The following HHLA1 variants were observed in gnomAD, a reference collection of about 807,000 sequenced individuals.
The protein encoded by HHLA1 is HHLA1 neighbor of OC90, also known as HERV-H LTR-associating protein 1.
Under a neutral mutation model 69.9 loss-of-function variants are expected in HHLA1, and 72 were observed. The observed-to-expected ratio is 1.03, with a 90% CI of 0.85 to 1.25. The LOEUF (loss-of-function observed/expected upper bound fraction) is 1.25, where lower values mean the gene tolerates loss of function less well. HHLA1 is among the 50% of genes most tolerant of loss of function. HHLA1 has a pLI of 0.00. For synonymous variants in HHLA1, 252 were observed against 233.2 expected (o/e 1.08, Z -0.73); for missense variants, 685 against 642.2 (o/e 1.07, Z -0.72).
chr8:132,084,135 T>G (rs1301673084), intron 10 of HHLA1, among the ~76,000 whole-genome samples: 1 of 151,404 alleles, frequency 6.6e-6, no homozygotes, highest in Non-Finnish European at 1.5e-5. Context: ...TCCAGCCACC[T>G]TTTTAAGAGT....
intron 14 of HHLA1, 55 bp from the exon 15 acceptor site, chr8:132,071,548 C>A: frequency 6.6e-7 from 1 of 1,507,966 alleles, no homozygotes. Context: ...TAAGCATCTT[C>A]TCTTCGTTAA....
In HHLA1 at chr8:132,099,406, C is replaced by T. The variant is rs897159956; in HGVS notation, c.200-444G>A. 2.6e-5 allele frequency among the ~76,000 whole-genome samples: 4 copies of T among 152,208 alleles called. No homozygotes were observed. The East Asian group carries it at 7.7e-4, about 29-fold the overall frequency. On this transcript the variant is annotated intron_variant, in intron 4 of 16. Transcript: ENST00000414222. ...GGAAATATACATTTTTTTAATTACA[C>T]AATTCCAGTACCTGGCCTTCATCTT... is the stretch of plus-strand genomic sequence containing the variant.
intron 1 of HHLA1, among the ~76,000 whole-genome samples, chr8:132,107,705 C>T (rs1442497227): frequency 1.3e-5 from 2 of 152,086 alleles, no homozygotes; most frequent in Non-Finnish European, 2.9e-5. Context: ...TTGTCATTGG[C>T]CAAGTCAACT....
chr8:132,072,617 A>G (rs1265937326), intron 14 of HHLA1, among the ~76,000 whole-genome samples: 1 of 152,118 alleles, frequency 6.6e-6, no homozygotes, highest in East Asian at 1.9e-4. Context: ...ACTAATCACT[A>G]CCAGGAAAAA....
At chr8:132,071,613 AC>A in intron 14 of HHLA1, 120 bp from the exon 15 acceptor site, 1 of 871,132 alleles carries the variant, frequency 1.1e-6, no homozygotes, top group Non-Finnish European at 1.8e-6. Flanking sequence ...TCTGAGACAG[AC>A]AGGTAAACAT....
intron 2 of HHLA1, among the ~76,000 whole-genome samples, chr8:132,104,755 T>G (rs1159432534): frequency 6.6e-6 from 1 of 152,044 alleles, no homozygotes; most frequent in Non-Finnish European, 1.5e-5. Context: ...GAAAAGGACC[T>G]GGTACACTAC....
chr8:132,105,381 T>C (rs1250083188), intron 1 of HHLA1, 95 bp from the exon 2 acceptor site: 11 of 813,634 alleles, frequency 1.4e-5, no homozygotes, highest in Non-Finnish European at 2.3e-5. Flanking sequence ...AATCACAATC[T>C]GAAAAAGGCT....
chr8:132,104,887 G>C (rs543142507), intron 2 of HHLA1, among the ~76,000 whole-genome samples: 1 of 152,288 alleles, frequency 6.6e-6, no homozygotes, highest in South Asian at 2.1e-4. Context: ...GTGGTGAATG[G>C]GTCATGGAGA....
chr8:132,096,593 G>A (rs1824030250), intron 5 of HHLA1, among the ~76,000 whole-genome samples: 1 of 152,096 alleles, frequency 6.6e-6, no homozygotes, highest in Non-Finnish European at 1.5e-5. Context: ...CTCTCCATCA[G>A]TGCCTGTTCT....
chr8:132,099,536 C>G (rs1824080914), intron 4 of HHLA1, among the ~76,000 whole-genome samples: 1 of 152,136 alleles, frequency 6.6e-6, no homozygotes, highest in African/African-American at 2.4e-5. Context: ...TTAAAATTCC[C>G]ACTTCCCCCG....
chr8:132,099,592 G>T (rs1044674744), intron 4 of HHLA1, among the ~76,000 whole-genome samples: 1 of 152,186 alleles, frequency 6.6e-6, no homozygotes. Context: ...AGTGGCTCAC[G>T]CCTGTAATCC....
chr8:132,108,985 C>A (rs1205125364), intron 1 of HHLA1, among the ~76,000 whole-genome samples: 1 of 152,152 alleles, frequency 6.6e-6, no homozygotes, highest in Non-Finnish European at 1.5e-5. Context: ...AGTCTGATGG[C>A]CCTTTTAGGG....
chr8:132,070,013 GGGGGGGGGGGGA>G lies in HHLA1; in HGVS notation c.1469+1315_1469+1326del, dbSNP rs1320490039. 5.2e-3 allele frequency: 129 copies of G among 24,604 alleles called. 35 individuals carry two copies. The highest frequency in any genetic ancestry group is 0.011 in the Non-Finnish European group (109 of 9,860). 1.5% of individuals were successfully genotyped at this position (24,604 alleles called of 1,614,324 possible). A position where few individuals can be genotyped will look rare whatever the true frequency, so the allele number is the denominator to read the frequency against. On this transcript the variant is annotated intron_variant, in intron 15 of 16. Coordinates refer to ENST00000414222, the MANE Select transcript of HHLA1 (RefSeq NM_001145095.3). Reference sequence around the variant, plus strand: ...AATGGAGGAAATGTTCGTACTGACGGGGGGGGGGGGGAGGGGGATGAAAGATTACAGCTGGAA... The same window carrying G: ...AATGGAGGAAATGTTCGTACTGACGGGGGGGATGAAAGATTACAGCTGGAA...
chr8:132,090,372 G>A (rs899649692), intron 7 of HHLA1, among the ~76,000 whole-genome samples: 3 of 152,284 alleles, frequency 2.0e-5, no homozygotes, highest in Non-Finnish European at 2.9e-5. Flanking sequence ...TAAACAAGGC[G>A]AATGTGTTTG....
chr8:132,095,491 T>C, intron 7 of HHLA1, 28 bp downstream of exon 7: 1 of 1,451,576 alleles, frequency 6.9e-7, no homozygotes, highest in Non-Finnish European at 9.4e-7. Flanking sequence ...TTGGAAAAGC[T>C]GCAAGCCTCA....
intron 10 of HHLA1, among the ~76,000 whole-genome samples, chr8:132,082,054 G>C (rs1467399765): frequency 6.6e-6 from 1 of 152,152 alleles, no homozygotes; most frequent in Non-Finnish European, 1.5e-5. Flanking sequence ...ATGTCAGGTG[G>C]ATCAGAGAGA....
chr8:132,064,557 T>G (rs982670978), intron 16 of HHLA1, among the ~76,000 whole-genome samples: 5 of 151,872 alleles, frequency 3.3e-5, no homozygotes, highest in Non-Finnish European at 7.4e-5. Flanking sequence ...TAATGCAGGA[T>G]GAAGGTGATG....
At chr8:132,083,710 T>G (rs1823803324) in intron 10 of HHLA1, among the ~76,000 whole-genome samples, 1 of 152,196 alleles carries the variant, frequency 6.6e-6, no homozygotes, top group African/African-American at 2.4e-5. Context: ...AGCAAGCTCC[T>G]GTGGGAGGAG....
intron 14 of HHLA1, among the ~76,000 whole-genome samples, chr8:132,074,519 C>T (rs1303822246): frequency 6.6e-6 from 1 of 152,070 alleles, no homozygotes; most frequent in Non-Finnish European, 1.5e-5. Flanking sequence ...ATAGGCCTAG[C>T]ATAGTACCTG....
Sources: gnomAD v4.1 joint callset for allele counts (sites outside exome capture counted in the v4.1 genomes callset) on GRCh38, gnomAD v4.1.1 for gene constraint, MANE v1.5 for transcripts, NCBI Gene and HGNC (gene_info 2026-07-23, HGNC 2026-07-21) for gene names.